The following ZNF423 variants were observed in gnomAD, a reference collection of about 807,000 sequenced individuals.
The protein encoded by ZNF423 is zinc finger protein 423, also known as Ebf-associated zinc finger protein.
Under a neutral mutation model 95.8 loss-of-function variants are expected in ZNF423, and 12 were observed. The observed-to-expected ratio is 0.13, with a 90% CI of 0.08 to 0.20. The LOEUF is 0.20. ZNF423 is among the 10% of genes least tolerant of loss of function. The pLI, the probability that ZNF423 is intolerant of heterozygous loss-of-function variation, is 1.00. For synonymous variants in ZNF423, 749 were observed against 711.9 expected, an observed-to-expected ratio of 1.05 and a Z score of -0.83; for missense variants, 1,316 against 1,737.1, an observed-to-expected ratio of 0.76 and a Z score of 4.31.
chr16:49,628,285 T>TAC (rs1342096927), intron 4 of ZNF423, among the ~76,000 whole-genome samples: 5 of 149,622 alleles, frequency 3.3e-5, no homozygotes, highest in Non-Finnish European at 7.4e-5. Flanking sequence ...TCCACACATC[T>TAC]ACACACACAC....
At chr16:49,521,766 T>G (rs1968405045) in intron 7 of ZNF423, among the ~76,000 whole-genome samples, 1 of 152,196 alleles carries the variant, frequency 6.6e-6, no homozygotes, top group Non-Finnish European at 1.5e-5. Context: ...ACCAGCTGGG[T>G]GCTCCTCGGG....
chr16:49,794,717 C>G (rs1448738213), intron 1 of ZNF423, among the ~76,000 whole-genome samples: 7 of 152,182 alleles, frequency 4.6e-5, no homozygotes. Context: ...TCCGGCTTAG[C>G]CCCTGCTAAC....
chr16:49,798,837 G>A (rs1249611114), intron 1 of ZNF423, among the ~76,000 whole-genome samples: 1 of 152,178 alleles, frequency 6.6e-6, no homozygotes, highest in African/African-American at 2.4e-5. Flanking sequence ...TGTAGGCAGA[G>A]GGGCTAAAAG....
chr16:49,630,167 G>A (rs1278624707), intron 4 of ZNF423, among the ~76,000 whole-genome samples: 1 of 152,152 alleles, frequency 6.6e-6, no homozygotes, highest in Non-Finnish European at 1.5e-5. Context: ...GACAGGGCTG[G>A]GGAGTCCAGC....
chr16:49,766,251 T>C (rs1055345500), intron 2 of ZNF423, among the ~76,000 whole-genome samples: 1 of 152,036 alleles, frequency 6.6e-6, no homozygotes, highest in African/African-American at 2.4e-5. Context: ...AAGACAAGGT[T>C]GTTTCATGTT....
intron 5 of ZNF423, among the ~76,000 whole-genome samples, chr16:49,613,050 C>A (rs1347077837): frequency 6.7e-6 from 1 of 150,114 alleles, no homozygotes; most frequent in Non-Finnish European, 1.5e-5. Context: ...GAGAAACATA[C>A]CATGTTAATG....
chr16:49,741,116 G>T (rs1184605132), intron 2 of ZNF423, among the ~76,000 whole-genome samples: 1 of 151,982 alleles, frequency 6.6e-6, no homozygotes, highest in Non-Finnish European at 1.5e-5. Context: ...AGCGAATGGG[G>T]TGTGGAGTGA....
intron 1 of ZNF423, among the ~76,000 whole-genome samples, chr16:49,802,866 A>G (rs926268651): frequency 6.6e-6 from 1 of 152,266 alleles, no homozygotes; most frequent in Non-Finnish European, 1.5e-5. Flanking sequence ...ACTTTCCAGT[A>G]TGTAAATACA....
At chr16:49,707,478 A>C (rs12929240) in intron 3 of ZNF423, among the ~76,000 whole-genome samples, 1 of 152,094 alleles carries the variant, frequency 6.6e-6, no homozygotes, top group South Asian at 2.1e-4. Flanking sequence ...ATAGCCAGGT[A>C]TGGTGGCAGG....
At chr16:49,662,181 T>C (rs1417043423) in intron 3 of ZNF423, among the ~76,000 whole-genome samples, 1 of 152,152 alleles carries the variant, frequency 6.6e-6, no homozygotes, top group Non-Finnish European at 1.5e-5. Flanking sequence ...CAATGTCATG[T>C]CATAAAGAAA....
chr16:49,840,270 T>A (rs978414288), intron 1 of ZNF423, among the ~76,000 whole-genome samples: 5 of 152,150 alleles, frequency 3.3e-5, no homozygotes, highest in East Asian at 1.9e-4. Context: ...TTAAAAAAAA[T>A]TTTAACTCTG....
chr16:49,554,274 C>T (rs1375162064), intron 5 of ZNF423, among the ~76,000 whole-genome samples: 1 of 152,082 alleles, frequency 6.6e-6, no homozygotes, highest in South Asian at 2.1e-4. Flanking sequence ...GTAGTAACGC[C>T]GGGCATAGCA....
chr16:49,584,321 A>C (rs1401883599), intron 5 of ZNF423, among the ~76,000 whole-genome samples: 3 of 152,180 alleles, frequency 2.0e-5, no homozygotes, highest in Non-Finnish European at 4.4e-5. Flanking sequence ...TCTATTGTGG[A>C]ATGAATTGGA....
intron 2 of ZNF423, among the ~76,000 whole-genome samples, chr16:49,742,817 A>T (rs2033442286): frequency 6.6e-6 from 1 of 152,134 alleles, no homozygotes; most frequent in Non-Finnish European, 1.5e-5. Context: ...GATCCCGGTT[A>T]GGGGAAGAAA....
At chr16:49,730,642 C>T (rs900303929) in intron 3 of ZNF423, 129 bp downstream of exon 3, 27 of 1,014,614 alleles carry the variant, frequency 2.7e-5, no homozygotes, top group Admixed American at 2.6e-4. Context: ...CCCAAGACAC[C>T]ACAATAAAAT....
chr16:49,525,188 C>A (rs1968554944), intron 6 of ZNF423, among the ~76,000 whole-genome samples, 175 bp downstream of exon 6: 1 of 152,166 alleles, frequency 6.6e-6, no homozygotes, highest in South Asian at 2.1e-4. Context: ...CAGCTCTGAA[C>A]TGAGGGACGT....
In ZNF423 at chr16:49,719,537, T is replaced by G. The variant is rs370162565; in HGVS notation, c.301+11234A>C. Among the ~76,000 whole-genome samples the G allele has an allele frequency of 3.3e-5, 5 of 152,276 alleles. No individual in the cohort carries two copies. The East Asian group carries it at 9.7e-4, about 29-fold the overall frequency. On this transcript the variant is annotated intron_variant, in intron 3 of 7. Coordinates refer to ENST00000563137, the MANE Select transcript of ZNF423 (RefSeq NM_001379286.1). ...TCTCATGTGGAATTGTAATTCCCAG[T>G]GTTGGGGAAGGGGCCTGGTGAGAGG...
At chr16:49,715,657 A>T (rs73573324) in intron 3 of ZNF423, among the ~76,000 whole-genome samples, 13,784 of 152,040 alleles carry the variant, frequency 0.091, 957 homozygotes, top group South Asian at 0.28. Context: ...AGGTGGGAAG[A>T]TGGCTTGAGC....
intron 1 of ZNF423, among the ~76,000 whole-genome samples, chr16:49,822,470 G>C (rs750863261): frequency 6.6e-6 from 1 of 152,030 alleles, no homozygotes; most frequent in Non-Finnish European, 1.5e-5. Flanking sequence ...CACCACATCC[G>C]GCCCCCTGCA....
Sources: gnomAD v4.1 joint callset for allele counts (sites outside exome capture counted in the v4.1 genomes callset) on GRCh38, gnomAD v4.1.1 for gene constraint, MANE v1.5 for transcripts, NCBI Gene and HGNC (gene_info 2026-07-23, HGNC 2026-07-21) for gene names.